NRG1: variants seen among roughly 807,000 people sequenced by gnomAD.
The protein encoded by NRG1 is neuregulin 1, also known as pro-neuregulin-1, membrane-bound isoform.
NRG1 carries 18 observed loss-of-function variants against 63.8 expected under a neutral mutation model. The observed-to-expected ratio is 0.28, with a 90% CI of 0.19 to 0.42. The LOEUF (loss-of-function observed/expected upper bound fraction) is 0.42. Ranked by LOEUF, NRG1 falls within the 10% of genes least tolerant of loss-of-function variation. NRG1 has a pLI of 1.00. For missense variants in NRG1, 762 were observed against 814.7 expected (o/e 0.94, Z 0.79); for synonymous variants, 302 against 301.3 (o/e 1.00, Z -0.02).
At chr8:32,254,185 C>A (rs1358638786) in intron 1 of NRG1, among the ~76,000 whole-genome samples, 2 of 152,120 alleles carry the variant, frequency 1.3e-5, no homozygotes, top group African/African-American at 4.8e-5. Flanking sequence ...ATGTCTCTAT[C>A]TCCTTCCGTT....
chr8:32,103,499 G>A (rs1830838492), intron 1 of NRG1, among the ~76,000 whole-genome samples: 1 of 152,246 alleles, frequency 6.6e-6, no homozygotes, highest in African/African-American at 2.4e-5. Flanking sequence ...AAACATGGAT[G>A]TGCAGGTATC....
intron 1 of NRG1, among the ~76,000 whole-genome samples, chr8:31,675,271 G>T (rs1022295058): frequency 1.3e-5 from 2 of 152,198 alleles, no homozygotes; most frequent in Non-Finnish European, 2.9e-5. Context: ...GAACCTGGAG[G>T]TGGAGGTTGC....
intron 1 of NRG1, among the ~76,000 whole-genome samples, chr8:32,484,430 A>C (rs1366631310): frequency 6.6e-6 from 1 of 152,246 alleles, no homozygotes; most frequent in Non-Finnish European, 1.5e-5. Flanking sequence ...CAGATCACTG[A>C]TGAAATGTGA....
At position 32,751,845 on chromosome 8, in the gene NRG1, C is replaced by T. The variant is rs151247072; in HGVS notation, c.692-2527C>T. On this transcript the variant is annotated intron_variant, in intron 7 of 11. Transcript: ENST00000356819. ...TCATCATGCACCATATGTTTCCAAA[C>T]GCAGCTCAATCTATTCTTCTGTAAT... Among the ~76,000 whole-genome samples, 145 of 152,068 alleles carry T rather than the reference C, an allele frequency of 9.5e-4. 1 individual carries two copies. The East Asian group carries it at 0.02, about 21-fold the overall frequency.
intron 1 of NRG1, among the ~76,000 whole-genome samples, chr8:31,902,117 C>T (rs543330515): frequency 7.2e-5 from 11 of 151,886 alleles, no homozygotes; most frequent in Non-Finnish European, 1.6e-4. Context: ...ACTTAACTAC[C>T]CTATTACACC....
chr8:32,303,505 TGA>T (rs1855854697), intron 1 of NRG1, among the ~76,000 whole-genome samples: 1 of 152,216 alleles, frequency 6.6e-6, no homozygotes, highest in South Asian at 2.1e-4. Flanking sequence ...GGCAATTTCA[TGA>T]TTTCTTGTGC....
chr8:32,164,291 T>C (rs147270422), intron 1 of NRG1, among the ~76,000 whole-genome samples: 1 of 152,150 alleles, frequency 6.6e-6, no homozygotes, highest in Non-Finnish European at 1.5e-5. Flanking sequence ...ATATCTGTCT[T>C]CAGTATCTAT....
At chr8:31,776,785 G>A (rs948400953) in intron 1 of NRG1, among the ~76,000 whole-genome samples, 29 of 152,074 alleles carry the variant, frequency 1.9e-4, no homozygotes, top group African/African-American at 5.5e-4. Context: ...GGGAACATGC[G>A]GTGTTTGGTT....
intron 1 of NRG1, among the ~76,000 whole-genome samples, chr8:31,869,483 A>G (rs909868709): frequency 5.9e-5 from 9 of 152,204 alleles, no homozygotes; most frequent in East Asian, 1.9e-4. Flanking sequence ...TTGCCACATC[A>G]TTCTATGTAG....
chr8:32,028,438 A>G (rs115831938), intron 1 of NRG1, among the ~76,000 whole-genome samples: 1,649 of 152,340 alleles, frequency 0.011, 29 homozygotes, highest in African/African-American at 0.037. Flanking sequence ...GAACTGAATG[A>G]TGGCATCAGC....
intron 1 of NRG1, among the ~76,000 whole-genome samples, chr8:31,780,709 G>A (rs1320901421): frequency 6.6e-6 from 1 of 152,120 alleles, no homozygotes; most frequent in Non-Finnish European, 1.5e-5. Context: ...AATGATCTGT[G>A]AACAAATATT....
chr8:31,741,297 AC>A (rs1478663548), intron 1 of NRG1, among the ~76,000 whole-genome samples: 4 of 151,828 alleles, frequency 2.6e-5, no homozygotes, highest in Non-Finnish European at 4.4e-5. Flanking sequence ...GATCATTTGT[AC>A]CCCAAAGCTC....
At chr8:32,026,910 T>A (rs940581178) in intron 1 of NRG1, among the ~76,000 whole-genome samples, 1 of 152,176 alleles carries the variant, frequency 6.6e-6, no homozygotes, top group African/African-American at 2.4e-5. Flanking sequence ...TCCTTATCTG[T>A]TCATCTTCCT....
chr8:32,284,485 G>GCCTT (rs1420268466), intron 1 of NRG1, among the ~76,000 whole-genome samples: 22 of 116,114 alleles, frequency 1.9e-4, no homozygotes, highest in African/African-American at 6.5e-4. Context: ...CTCCCTGCCT[G>GCCTT]CCTGCCTTCC....
At chr8:32,064,306 A>G (rs1327775990) in intron 1 of NRG1, among the ~76,000 whole-genome samples, 1 of 152,120 alleles carries the variant, frequency 6.6e-6, no homozygotes, top group South Asian at 2.1e-4. Context: ...TGGTACAAGG[A>G]AGTGCTGCAA....
intron 1 of NRG1, among the ~76,000 whole-genome samples, chr8:31,904,162 C>T (rs1313485992): frequency 1.3e-5 from 2 of 152,130 alleles, no homozygotes; most frequent in Non-Finnish European, 2.9e-5. Flanking sequence ...AAGGCCATAT[C>T]AGTGCCCTCC....
intron 1 of NRG1, among the ~76,000 whole-genome samples, chr8:31,858,803 C>T (rs1227041433): frequency 6.6e-6 from 1 of 152,206 alleles, no homozygotes; most frequent in Non-Finnish European, 1.5e-5. Flanking sequence ...CGCCCGACTG[C>T]ATGTTGCACA....
chr8:32,355,253 G>A (rs1806213660), intron 1 of NRG1, among the ~76,000 whole-genome samples: 1 of 152,224 alleles, frequency 6.6e-6, no homozygotes, highest in Middle Eastern at 3.4e-3. Context: ...GAGCTCAGGA[G>A]TTCAAAACCA....
chr8:31,946,603 T>C (rs1393002301), intron 1 of NRG1, among the ~76,000 whole-genome samples: 2 of 41,528 alleles, frequency 4.8e-5, no homozygotes, highest in Admixed American at 2.5e-4. Context: ...TAAGATGTGA[T>C]GTATATCACT....
Sources: gnomAD v4.1 joint callset for allele counts (sites outside exome capture counted in the v4.1 genomes callset) on GRCh38, gnomAD v4.1.1 for gene constraint, MANE v1.5 for transcripts, NCBI Gene and HGNC (gene_info 2026-07-23, HGNC 2026-07-21) for gene names.